The following RBPMS variants were observed in gnomAD, a reference collection of about 807,000 sequenced individuals.
RBPMS encodes RNA binding protein, mRNA processing factor, also known as RNA-binding protein with multiple splicing.
Under a neutral mutation model 26.8 loss-of-function variants are expected in RBPMS, and 7 were observed. That is an observed-to-expected ratio of 0.26 (90% confidence interval 0.15 to 0.49). RBPMS has a LOEUF of 0.49. RBPMS is among the 20% of genes least tolerant of loss of function. The pLI, the probability that RBPMS is intolerant of heterozygous loss-of-function variation, is 0.98. For missense variants in RBPMS, 186 were observed against 250.0 expected, an observed-to-expected ratio of 0.74 and a Z score of 1.73; for synonymous variants, 96 against 93.3, an observed-to-expected ratio of 1.03 and a Z score of -0.17.
chr8:30,518,796 G>A (rs564153241), intron 5 of RBPMS, among the ~76,000 whole-genome samples: 2 of 136,732 alleles, frequency 1.5e-5, no homozygotes, highest in East Asian at 4.5e-4. Context: ...ATACATTATC[G>A]TTAACCCCTC....
chr8:30,472,438 G>A (rs1388370677), intron 1 of RBPMS, among the ~76,000 whole-genome samples: 1 of 152,162 alleles, frequency 6.6e-6, no homozygotes, highest in African/African-American at 2.4e-5. Context: ...AGGATTAAAG[G>A]GGCATGAATA....
At chr8:30,477,773 T>C (rs1469422595) in intron 2 of RBPMS, 26 bp from the exon 3 acceptor site, 19 of 1,575,800 alleles carry the variant, frequency 1.2e-5, no homozygotes, top group Non-Finnish European at 1.6e-5. Context: ...TACTTTTGGC[T>C]AAACTTGGTT....
intron 3 of RBPMS, among the ~76,000 whole-genome samples, chr8:30,478,637 C>A (rs1817956576): frequency 6.6e-6 from 1 of 152,084 alleles, no homozygotes; most frequent in South Asian, 2.1e-4. Flanking sequence ...ATAGCTGGGA[C>A]TACAGGCGCA....
At chr8:30,488,264 CAAA>C (rs1819004332) in intron 4 of RBPMS, among the ~76,000 whole-genome samples, 2 of 151,952 alleles carry the variant, frequency 1.3e-5, no homozygotes, top group Admixed American at 1.3e-4. Context: ...AACAAAGGAA[CAAA>C]AACAGGTAAA....
intron 1 of RBPMS, among the ~76,000 whole-genome samples, chr8:30,393,976 G>A (rs1430111128): frequency 1.9e-5 from 2 of 104,928 alleles, no homozygotes; most frequent in South Asian, 8.1e-4. Context: ...TGGTGACGGT[G>A]CATATTGTGT....
At chr8:30,545,012 G>A (rs2151049790) in intron 6 of RBPMS, 7 of 1,436,730 alleles carry the variant, frequency 4.9e-6, no homozygotes, top group Non-Finnish European at 6.4e-6. Flanking sequence ...GGGGATATGT[G>A]CGTCTGTGCG....
At chr8:30,539,437 A>T (rs539767841) in intron 5 of RBPMS, among the ~76,000 whole-genome samples, 5 of 152,244 alleles carry the variant, frequency 3.3e-5, no homozygotes, top group Admixed American at 2.6e-4. Context: ...TTCAGACATT[A>T]TAAGTTATCT....
chr8:30,457,708 C>T (rs2150767738), intron 1 of RBPMS, among the ~76,000 whole-genome samples: 1 of 151,146 alleles, frequency 6.6e-6, no homozygotes, highest in South Asian at 2.1e-4. Context: ...GCCTTAGCCT[C>T]CTGAGTAGCT....
chr8:30,468,458 A>G (rs1239883600), intron 1 of RBPMS, among the ~76,000 whole-genome samples: 1 of 152,032 alleles, frequency 6.6e-6, no homozygotes, highest in Non-Finnish European at 1.5e-5. Context: ...CTCTCCTGAC[A>G]AACACATATA....
chr8:30,502,000 G>C (rs181389807), intron 4 of RBPMS, among the ~76,000 whole-genome samples: 1 of 152,128 alleles, frequency 6.6e-6, no homozygotes, highest in East Asian at 1.9e-4. Flanking sequence ...AATCCCTATG[G>C]ATGGAAACTT....
intron 2 of RBPMS, among the ~76,000 whole-genome samples, 169 bp downstream of exon 2, chr8:30,475,025 G>T (rs1415664353): frequency 6.6e-6 from 1 of 152,128 alleles, no homozygotes; most frequent in Non-Finnish European, 1.5e-5. Context: ...GTCTCACTTA[G>T]GATAATTACA....
chr8:30,511,487 ATATATATATATATATATATATAT>A (rs1821663780), intron 5 of RBPMS, among the ~76,000 whole-genome samples: 1 of 12,722 alleles, frequency 7.9e-5, no homozygotes, highest in South Asian at 1.9e-3. Context: ...AAAAAAAAAA[ATATATATATATATATATATATAT>A]ATATATATAT....
intron 4 of RBPMS, among the ~76,000 whole-genome samples, chr8:30,493,442 C>G (rs1277073681): frequency 3.9e-5 from 6 of 152,030 alleles, no homozygotes; most frequent in Admixed American, 3.9e-4. Context: ...CTGGCAGCAC[C>G]AGCCACGTTT....
intron 6 of RBPMS, among the ~76,000 whole-genome samples, chr8:30,555,240 C>A (rs1268096668): frequency 6.6e-6 from 1 of 152,108 alleles, no homozygotes. Flanking sequence ...CAGTGTTAGC[C>A]ATGCAGGGGC....
chr8:30,562,101 C>G, intron 7 of RBPMS: 1 of 917,156 alleles, frequency 1.1e-6, no homozygotes, highest in Non-Finnish European at 1.3e-6. Flanking sequence ...GAGGCTGAGG[C>G]AGGCGGATCA....
intron 1 of RBPMS, among the ~76,000 whole-genome samples, chr8:30,439,880 T>C (rs1027251209): frequency 2.0e-5 from 3 of 152,080 alleles, no homozygotes; most frequent in Admixed American, 2.0e-4. Flanking sequence ...TTATTTTTTA[T>C]AATTAAAAAA....
chr8:30,461,665 G>C (rs571744341), intron 1 of RBPMS, among the ~76,000 whole-genome samples: 1 of 152,180 alleles, frequency 6.6e-6, no homozygotes, highest in African/African-American at 2.4e-5. Context: ...AAAGTGCTGG[G>C]ATTACAGGTG....
intron 4 of RBPMS, among the ~76,000 whole-genome samples, chr8:30,484,130 A>C (rs368572814): frequency 6.6e-6 from 1 of 152,272 alleles, no homozygotes; most frequent in South Asian, 2.1e-4. Flanking sequence ...TGTGGTGATC[A>C]TATGTTAGCT....
intron 5 of RBPMS, among the ~76,000 whole-genome samples, chr8:30,538,591 C>A (rs1383089837): frequency 6.6e-6 from 1 of 152,182 alleles, no homozygotes; most frequent in African/African-American, 2.4e-5. Context: ...TAAACATCTT[C>A]ATCTACATTT....
Sources: allele counts gnomAD v4.1 joint callset (sites outside exome capture counted in the v4.1 genomes callset), GRCh38; gene constraint gnomAD v4.1.1; transcripts MANE v1.5; gene names NCBI Gene and HGNC (gene_info 2026-07-23, HGNC 2026-07-21).